Variants in LRCH1 observed in about 807,000 individuals in gnomAD.
The protein encoded by LRCH1 is leucine rich repeats and calponin homology domain containing 1.
A neutral mutation model predicts 94.9 loss-of-function variants in LRCH1; 23 were observed. The observed-to-expected ratio is 0.24, with a 90% confidence interval of 0.17 to 0.34. LRCH1 has a LOEUF of 0.34. LRCH1 is among the 10% of genes least tolerant of loss of function. The pLI, the probability that LRCH1 is intolerant of heterozygous loss-of-function variation, is 1.00. For missense variants in LRCH1, 790 were observed against 945.9 expected, an observed-to-expected ratio of 0.84 and a Z score of 2.16; for synonymous variants, 364 against 354.9, an observed-to-expected ratio of 1.03 and a Z score of -0.29.
rs2138219100 is a variant in LRCH1 at position 46,723,228 on chromosome 13, A to G, written c.1767A>G (p.Leu589=). 1.9e-6 allele frequency: 3 copies of G among 1,604,456 alleles called. No homozygotes were observed. The African/African-American group carries it at 4.0e-5, about 21-fold the overall frequency. ...PSEGDSDNVF[L]RPQRNLESID... ...TTCCCCTTTGTATTGTAGTGTTTCT[A>G]AGACCTCAGAGAAATTTGGAATCTA... is the stretch of plus-strand genomic sequence containing the variant. The change falls in exon 17 of 20, where the codon CTA becomes CTG. Residue 589 remains leucine (L), a synonymous_variant. Coordinates refer to ENST00000389797, the MANE Select transcript of LRCH1 (RefSeq NM_001164211.2).
At chr13:46,693,724 G>C (rs971683521) in intron 8 of LRCH1, among the ~76,000 whole-genome samples, 19 of 152,140 alleles carry the variant, frequency 1.2e-4, no homozygotes, top group African/African-American at 4.6e-4. Context: ...TTCATATCTT[G>C]GTTGGAAGCC....
intron 2 of LRCH1, among the ~76,000 whole-genome samples, chr13:46,660,299 C>T (rs1001823978): frequency 2.0e-5 from 3 of 152,000 alleles, no homozygotes; most frequent in Non-Finnish European, 2.9e-5. Context: ...CAGGCGTGAG[C>T]CACCGCACCT....
intron 1 of LRCH1, among the ~76,000 whole-genome samples, chr13:46,557,023 T>C (rs2050073459): frequency 6.6e-6 from 1 of 152,214 alleles, no homozygotes; most frequent in African/African-American, 2.4e-5. Flanking sequence ...AATATCTTTG[T>C]TTTATAAATA....
chr13:46,715,553 C>T lies in LRCH1; in HGVS notation c.1655-7C>T. On this transcript the variant is annotated splice_polypyrimidine_tract_variant and splice_region_variant and intron_variant, in intron 15 of 19. Coordinates refer to ENST00000389797, the MANE Select transcript of LRCH1 (RefSeq NM_001164211.2). Reference sequence around the variant, plus strand: ...GTACGCGGACTGGCTCTCTGGCTCCCCTGCAGACCCAGCCCTCATTCTTCC... The same window carrying T: ...GTACGCGGACTGGCTCTCTGGCTCCTCTGCAGACCCAGCCCTCATTCTTCC... 1 of 1,522,302 alleles carries T rather than the reference C, an allele frequency of 6.6e-7. No individual in the cohort carries two copies. The allele number at this position is 1,522,302 out of a possible 1,614,324, so 94.3% of individuals were successfully genotyped here.
intron 1 of LRCH1, among the ~76,000 whole-genome samples, chr13:46,593,479 A>G (rs2050525034): frequency 1.3e-5 from 2 of 152,182 alleles, no homozygotes; most frequent in African/African-American, 4.8e-5. Context: ...GAGACACTGA[A>G]TTTTAGAACC....
intron 13 of LRCH1, among the ~76,000 whole-genome samples, chr13:46,708,937 G>A (rs1871916869): frequency 1.3e-5 from 2 of 152,186 alleles, no homozygotes; most frequent in African/African-American, 2.4e-5. Flanking sequence ...TGAGTAGTTC[G>A]TGAGGATTCC....
chr13:46,629,832 A>G (rs569902222), intron 1 of LRCH1, among the ~76,000 whole-genome samples: 2 of 152,236 alleles, frequency 1.3e-5, no homozygotes, highest in Non-Finnish European at 2.9e-5. Flanking sequence ...TAAATGAGTA[A>G]CAGCCCAAAC....
chr13:46,701,833 C>A (rs1423986518), intron 11 of LRCH1, among the ~76,000 whole-genome samples: 1 of 152,188 alleles, frequency 6.6e-6, no homozygotes, highest in Admixed American at 6.5e-5. Context: ...CGGGTAATAA[C>A]TACATGATCT....
intron 2 of LRCH1, 116 bp from the exon 3 acceptor site, chr13:46,668,914 A>T: frequency 1.9e-6 from 2 of 1,040,578 alleles, no homozygotes; most frequent in Non-Finnish European, 2.8e-6. Flanking sequence ...GACTTCTTGT[A>T]TTTGTAAAAT....
At chr13:46,671,200 G>C (rs1023271574) in intron 3 of LRCH1, among the ~76,000 whole-genome samples, 24 of 152,200 alleles carry the variant, frequency 1.6e-4, no homozygotes, top group African/African-American at 5.3e-4. Context: ...TTCTTGGTTA[G>C]TTCTTAGCCA....
intron 1 of LRCH1, among the ~76,000 whole-genome samples, chr13:46,623,242 A>G (rs1420929897): frequency 6.6e-6 from 1 of 152,126 alleles, no homozygotes; most frequent in African/African-American, 2.4e-5. Context: ...TTGAATGATA[A>G]TAATAATGCA....
At chr13:46,674,919 G>A (rs1430636207) in intron 3 of LRCH1, among the ~76,000 whole-genome samples, 2 of 152,134 alleles carry the variant, frequency 1.3e-5, no homozygotes, top group Non-Finnish European at 2.9e-5. Context: ...ATGGAGTGGG[G>A]CTGTGATTTT....
At chr13:46,682,865 T>C (rs1870401290) in intron 4 of LRCH1, among the ~76,000 whole-genome samples, 1 of 152,176 alleles carries the variant, frequency 6.6e-6, no homozygotes, top group African/African-American at 2.4e-5. Context: ...CAGATATGTA[T>C]ATTTATTCAG....
chr13:46,600,743 C>G (rs1253632580), intron 1 of LRCH1, among the ~76,000 whole-genome samples: 1 of 151,736 alleles, frequency 6.6e-6, no homozygotes, highest in Non-Finnish European at 1.5e-5. Flanking sequence ...AAATACTGTT[C>G]ATTGAATTGA....
chr13:46,665,602 C>G (rs1432814911), intron 2 of LRCH1, among the ~76,000 whole-genome samples: 5 of 152,216 alleles, frequency 3.3e-5, no homozygotes, highest in Admixed American at 6.5e-5. Context: ...CCTTCCCTCT[C>G]TTTCTCTTTC....
chr13:46,560,753 A>G (rs2050121711), intron 1 of LRCH1, among the ~76,000 whole-genome samples: 1 of 152,248 alleles, frequency 6.6e-6, no homozygotes, highest in Non-Finnish European at 1.5e-5. Context: ...TCAGGGTTCC[A>G]AGTCAGACTT....
chr13:46,601,028 C>T (rs1276088405), intron 1 of LRCH1, among the ~76,000 whole-genome samples: 1 of 152,224 alleles, frequency 6.6e-6, no homozygotes, highest in African/African-American at 2.4e-5. Context: ...AGAATCAGAT[C>T]TATACTTTGG....
At chr13:46,594,040 A>G (rs937348722) in intron 1 of LRCH1, among the ~76,000 whole-genome samples, 13 of 152,130 alleles carry the variant, frequency 8.5e-5, no homozygotes, top group Admixed American at 6.5e-4. Flanking sequence ...GCATCATAGG[A>G]TAGATACCAG....
intron 1 of LRCH1, among the ~76,000 whole-genome samples, chr13:46,592,857 G>C (rs186377312): frequency 1.3e-5 from 2 of 151,992 alleles, no homozygotes; most frequent in South Asian, 4.1e-4. Flanking sequence ...CTTCATTCTC[G>C]CATTGGTATT....
Sources: gnomAD v4.1 joint callset for allele counts (sites outside exome capture counted in the v4.1 genomes callset) on GRCh38, gnomAD v4.1.1 for gene constraint, MANE v1.5 for transcripts, NCBI Gene and HGNC (gene_info 2026-07-23, HGNC 2026-07-21) for gene names.